The following ZMAT4 variants were observed in gnomAD, a reference collection of about 807,000 sequenced individuals.
The protein encoded by ZMAT4 is zinc finger matrin-type protein 4.
In ZMAT4, 17 loss-of-function variants were observed where a neutral mutation model predicts 28.7. The observed-to-expected ratio is 0.59, with a 90% CI of 0.41 to 0.89. ZMAT4 has a LOEUF of 0.89. ZMAT4 is among the 40% of genes least tolerant of loss of function. The probability of loss-of-function intolerance (pLI) is 0.00; values close to 1 mark genes in which losing one functional copy is unlikely to be tolerated. For missense variants in ZMAT4, 240 were observed against 283.8 expected, an observed-to-expected ratio of 0.85 and a Z score of 1.11; for synonymous variants, 117 against 109.2, an observed-to-expected ratio of 1.07 and a Z score of -0.44.
intron 3 of ZMAT4, among the ~76,000 whole-genome samples, chr8:40,759,347 G>A (rs944522078): frequency 6.7e-6 from 1 of 150,008 alleles, no homozygotes; most frequent in African/African-American, 2.4e-5. Context: ...TTCCTATATT[G>A]AAGACCTAAT....
chr8:40,641,676 T>G (rs1403333982), intron 5 of ZMAT4, among the ~76,000 whole-genome samples: 1 of 152,160 alleles, frequency 6.6e-6, no homozygotes, highest in Non-Finnish European at 1.5e-5. Context: ...CCCTCTTTTT[T>G]TATTCTTATT....
chr8:40,720,360 G>A (rs528996929), intron 3 of ZMAT4, among the ~76,000 whole-genome samples: 2 of 152,110 alleles, frequency 1.3e-5, no homozygotes, highest in South Asian at 4.2e-4. Flanking sequence ...TTGTGGCTCT[G>A]GATGAATGCA....
intron 5 of ZMAT4, among the ~76,000 whole-genome samples, chr8:40,615,931 C>T (rs924306490): frequency 6.6e-6 from 1 of 152,014 alleles, no homozygotes; most frequent in Non-Finnish European, 1.5e-5. Flanking sequence ...AAAGAAACTA[C>T]CATCAGAGTG....
chr8:40,608,576 C>T (rs1805684055), intron 5 of ZMAT4, among the ~76,000 whole-genome samples: 1 of 152,180 alleles, frequency 6.6e-6, no homozygotes, highest in South Asian at 2.1e-4. Context: ...GGTATCTTTG[C>T]TCCATCCCCC....
chr8:40,545,440 A>G (rs1345034254), intron 6 of ZMAT4, among the ~76,000 whole-genome samples: 1 of 152,178 alleles, frequency 6.6e-6, no homozygotes, highest in Admixed American at 6.5e-5. Flanking sequence ...CAAAAATTAT[A>G]TGTTGAAGTC....
At chr8:40,830,774 T>C (rs1816252015) in intron 1 of ZMAT4, among the ~76,000 whole-genome samples, 1 of 152,180 alleles carries the variant, frequency 6.6e-6, no homozygotes, top group Non-Finnish European at 1.5e-5. Flanking sequence ...CCAAAACCCA[T>C]GCAGGGCTCT....
intron 2 of ZMAT4, among the ~76,000 whole-genome samples, chr8:40,780,820 G>T (rs1813795898): frequency 6.6e-6 from 1 of 152,096 alleles, no homozygotes; most frequent in African/African-American, 2.4e-5. Context: ...GCCAGAAAAA[G>T]CTTTGAACAA....
At chr8:40,659,230 C>T (rs571215934) in intron 5 of ZMAT4, among the ~76,000 whole-genome samples, 17 of 152,232 alleles carry the variant, frequency 1.1e-4, no homozygotes, top group African/African-American at 3.6e-4. Context: ...CCTAAGTGTG[C>T]ACTTTAAAGT....
chr8:40,766,251 T>G (rs1240131956), intron 3 of ZMAT4, among the ~76,000 whole-genome samples: 1 of 152,238 alleles, frequency 6.6e-6, no homozygotes, highest in Non-Finnish European at 1.5e-5. Flanking sequence ...TTATAGCTAC[T>G]CTTTATACAA....
intron 3 of ZMAT4, among the ~76,000 whole-genome samples, chr8:40,704,546 T>C (rs903832174): frequency 3.9e-5 from 6 of 152,258 alleles, no homozygotes; most frequent in African/African-American, 1.4e-4. Context: ...AATTGCTTTA[T>C]TAGCATTTTG....
chr8:40,780,077 C>T (rs1813768076), intron 2 of ZMAT4, among the ~76,000 whole-genome samples: 4 of 152,104 alleles, frequency 2.6e-5, no homozygotes, highest in African/African-American at 7.2e-5. Flanking sequence ...CAACCTTGCC[C>T]TTTAGCTATC....
intron 2 of ZMAT4, among the ~76,000 whole-genome samples, chr8:40,774,880 T>C (rs1042258947): frequency 2.0e-5 from 3 of 152,218 alleles, no homozygotes; most frequent in Non-Finnish European, 4.4e-5. Context: ...TTAGATTACT[T>C]AGAAGATCAA....
chr8:40,719,259 T>A (rs1455484895), intron 3 of ZMAT4, among the ~76,000 whole-genome samples: 1 of 151,956 alleles, frequency 6.6e-6, no homozygotes, highest in Non-Finnish European at 1.5e-5. Flanking sequence ...GCCAACATAG[T>A]AAAACCCTGT....
chr8:40,546,237 G>A (rs1353147666), intron 6 of ZMAT4, among the ~76,000 whole-genome samples: 1 of 150,714 alleles, frequency 6.6e-6, no homozygotes, highest in African/African-American at 2.4e-5. Context: ...ACTCCCTCCT[G>A]TGTAAATTAA....
chr8:40,870,238 C>T (rs1032552545), intron 1 of ZMAT4, among the ~76,000 whole-genome samples: 2 of 152,194 alleles, frequency 1.3e-5, no homozygotes, highest in African/African-American at 4.8e-5. Flanking sequence ...TGCATTTCCT[C>T]CCCTCGCCCT....
chr8:40,841,315 T>C (rs1162639723), intron 1 of ZMAT4, among the ~76,000 whole-genome samples: 1 of 152,170 alleles, frequency 6.6e-6, no homozygotes, highest in African/African-American at 2.4e-5. Flanking sequence ...TGGATGTAAA[T>C]GCATCTGGGA....
chr8:40,693,065 A>C (rs1809724544), intron 4 of ZMAT4, among the ~76,000 whole-genome samples: 1 of 152,216 alleles, frequency 6.6e-6, no homozygotes, highest in Non-Finnish European at 1.5e-5. Context: ...TAGTTAAGCT[A>C]AAATGAGATC....
chr8:40,742,248 GA>G (rs929033845), intron 3 of ZMAT4, among the ~76,000 whole-genome samples: 1 of 150,220 alleles, frequency 6.7e-6, no homozygotes, highest in Non-Finnish European at 1.5e-5. Context: ...ACCCTGTCTC[GA>G]AAAAAAAGTA....
At chr8:40,619,446 G>C (rs1806123015) in intron 5 of ZMAT4, among the ~76,000 whole-genome samples, 1 of 152,168 alleles carries the variant, frequency 6.6e-6, no homozygotes, top group African/African-American at 2.4e-5. Flanking sequence ...TGCTGTGCTG[G>C]GGTGGGATTC....
Sources: allele counts gnomAD v4.1 joint callset (sites outside exome capture counted in the v4.1 genomes callset), GRCh38; gene constraint gnomAD v4.1.1; transcripts MANE v1.5; gene names NCBI Gene and HGNC (gene_info 2026-07-23, HGNC 2026-07-21).